ANKRD28: variants seen among roughly 807,000 people sequenced by gnomAD.
The protein encoded by ANKRD28 is serine/threonine-protein phosphatase 6 regulatory ankyrin repeat subunit A.
In ANKRD28, 44 loss-of-function variants were observed where a neutral mutation model predicts 126.5. That is an observed-to-expected ratio of 0.35 (90% CI 0.27 to 0.45). The LOEUF (loss-of-function observed/expected upper bound fraction) is 0.45, where lower values mean the gene tolerates loss of function less well. Ranked by LOEUF, ANKRD28 falls within the 20% of genes least tolerant of loss-of-function variation. The probability of loss-of-function intolerance (pLI) is 1.00; values close to 1 mark genes in which losing one functional copy is unlikely to be tolerated. For missense variants in ANKRD28, 1,110 were observed against 1,316.6 expected (o/e 0.84, Z 2.43); for synonymous variants, 442 against 468.5 (o/e 0.94, Z 0.73).
chr3:15,674,610 C>T (rs1306638186), intron 27 of ANKRD28, among the ~76,000 whole-genome samples: 1 of 152,096 alleles, frequency 6.6e-6, no homozygotes, highest in Non-Finnish European at 1.5e-5. Flanking sequence ...TGGGAATCCT[C>T]AGCATTATAG....
chr3:15,707,181 C>T (rs376546898), intron 14 of ANKRD28, among the ~76,000 whole-genome samples: 1 of 152,174 alleles, frequency 6.6e-6, no homozygotes, highest in African/African-American at 2.4e-5. Context: ...TTTTACTTTT[C>T]ACTGACCCAC....
intron 2 of ANKRD28, among the ~76,000 whole-genome samples, chr3:15,767,363 T>C (rs2058787165): frequency 1.3e-5 from 2 of 152,214 alleles, no homozygotes; most frequent in South Asian, 2.1e-4. Context: ...TCATTTTTGA[T>C]AAAGGCTTTT....
intron 12 of ANKRD28, among the ~76,000 whole-genome samples, chr3:15,710,063 C>G (rs1485744427): frequency 1.3e-5 from 2 of 151,146 alleles, no homozygotes; most frequent in East Asian, 3.9e-4. Flanking sequence ...GAAACAGAGC[C>G]TCACTCTATA....
intron 1 of ANKRD28, among the ~76,000 whole-genome samples, chr3:15,856,043 C>A (rs1371950357): frequency 6.6e-6 from 1 of 152,134 alleles, no homozygotes; most frequent in Non-Finnish European, 1.5e-5. Context: ...TCATACTGAT[C>A]TAAACCAGCA....
At position 15,846,389 on chromosome 3, in the gene ANKRD28, C is replaced by G. The variant is rs921808059; in HGVS notation, c.27+12988G>C. Among the ~76,000 whole-genome samples the G allele has an allele frequency of 6.6e-6, 1 of 152,262 alleles. No homozygotes were observed. Among genetic ancestry groups the G allele is most frequent in the Non-Finnish European group, 1.5e-5 (1 of 68,048 alleles). On this transcript the variant is annotated intron_variant, in intron 1 of 27. Coordinates refer to the ANKRD28 transcript ENST00000399451. This position sits in a 1 kb window ranked among gnomAD's most constrained non-coding sequence, Gnocchi z 5.4. ...CTCCATGTCTCACATCCAGGGCACA[C>G]TGATGCAAGAGGTGAGCTCTCAAGG... is the stretch of plus-strand genomic sequence containing the variant.
At position 15,690,010 on chromosome 3, in the gene ANKRD28, C is replaced by G. The variant is rs1048818146; in HGVS notation, c.1963+9G>C. On this transcript the variant is annotated intron_variant, in intron 18 of 27. Coordinates refer to ENST00000683139, the MANE Select transcript of ANKRD28 (RefSeq NM_001349278.2). Reference sequence around the variant, plus strand: ...GTTATAAATAAATCAAGCATAATATCTGGCATACCTGCTGCATGAATAGGT... The same window carrying G: ...GTTATAAATAAATCAAGCATAATATGTGGCATACCTGCTGCATGAATAGGT... 1.3e-6 allele frequency: 2 copies of G among 1,594,268 alleles called. No individual in the cohort carries two copies. Among genetic ancestry groups the G allele is most frequent in the African/African-American group, 1.3e-5 (1 of 74,534 alleles).
At chr3:15,707,893 G>C (rs998800723) in intron 14 of ANKRD28, 31 bp downstream of exon 14, 2 of 1,583,730 alleles carry the variant, frequency 1.3e-6, no homozygotes, top group Non-Finnish European at 1.7e-6. Flanking sequence ...TAGAAATATT[G>C]ATCCTCCACT....
chr3:15,859,576 G>GCCGC (rs2061861293), exon 1 of ANKRD28: 6 of 252,016 alleles, frequency 2.4e-5, no homozygotes, highest in Admixed American at 1.3e-4. Context: ...CGCCTCCCCG[G>GCCGC]CCGCCCGCCG....
chr3:15,844,412 G>T (rs2061487214), intron 1 of ANKRD28, among the ~76,000 whole-genome samples: 1 of 152,046 alleles, frequency 6.6e-6, no homozygotes, highest in African/African-American at 2.4e-5. Context: ...AGGTAAAGAA[G>T]TGGGAGAACT....
intron 3 of ANKRD28, among the ~76,000 whole-genome samples, chr3:15,761,062 G>C (rs115490243): frequency 0.012 from 1,804 of 152,196 alleles, 32 homozygotes; most frequent in African/African-American, 0.041. Context: ...TTTTATGTTA[G>C]AGAAATATAT....
chr3:15,701,296 T>G (rs2070566108), intron 14 of ANKRD28, among the ~76,000 whole-genome samples: 1 of 152,188 alleles, frequency 6.6e-6, no homozygotes, highest in Non-Finnish European at 1.5e-5. Context: ...TCCATTTAAG[T>G]GCAATTTTGA....
chr3:15,831,580 G>A (rs776918202), intron 1 of ANKRD28, among the ~76,000 whole-genome samples: 2 of 152,104 alleles, frequency 1.3e-5, no homozygotes, highest in African/African-American at 2.4e-5. Flanking sequence ...GAGAAAAATC[G>A]CTCTCCCCTC....
In ANKRD28 at chr3:15,830,578, C is replaced by T. The variant is rs529273678; in HGVS notation, c.27+28799G>A. ...TTTCATCTCAAAACCATCCCACCCC[C>T]CACCGCACCCCCATCCACGGAAAAA... is the stretch of plus-strand genomic sequence containing the variant. On this transcript the variant is annotated intron_variant, in intron 1 of 27. Coordinates refer to the ANKRD28 transcript ENST00000399451. The surrounding 1 kb of genome is among the most constrained non-coding windows in gnomAD (Gnocchi z 4.5). Among the ~76,000 whole-genome samples, 36 of 152,110 alleles carry T rather than the reference C, an allele frequency of 2.4e-4. No homozygotes were observed. The highest frequency in any genetic ancestry group is 8.2e-4 in the African/African-American group (34 of 41,504).
chr3:15,799,006 C>T (rs1051278778), upstream of ANKRD28, among the ~76,000 whole-genome samples: 2 of 152,042 alleles, frequency 1.3e-5, no homozygotes, highest in African/African-American at 2.4e-5. Flanking sequence ...GAAAAACAGA[C>T]TCAGAAATGA....
chr3:15,737,304 G>T, intron 4 of ANKRD28, 71 bp from the exon 5 acceptor site: 1 of 1,279,130 alleles, frequency 7.8e-7, no homozygotes, highest in Non-Finnish European at 1.1e-6. Context: ...TATATAGTGT[G>T]CGTGTGTGTG....
At chr3:15,741,027 C>A (rs1023485502) in intron 4 of ANKRD28, among the ~76,000 whole-genome samples, 1 of 152,018 alleles carries the variant, frequency 6.6e-6, no homozygotes, top group Admixed American at 6.5e-5. Flanking sequence ...GGTGAAACCC[C>A]GTCTCTACTA....
At chr3:15,825,745 C>T (rs1213019172) in intron 1 of ANKRD28, among the ~76,000 whole-genome samples, 1 of 151,998 alleles carries the variant, frequency 6.6e-6, no homozygotes, top group African/African-American at 2.4e-5. Context: ...AGCCTACCTA[C>T]AGATAGATAG....
rs868680728 is a variant in ANKRD28, at chr3:15,846,018, T to C, written c.27+13359A>G. 2.6e-5 allele frequency among the ~76,000 whole-genome samples: 4 copies of C among 152,184 alleles called. No individual in the cohort carries two copies. The highest frequency in any genetic ancestry group is 3.4e-3 in the Middle Eastern group (1 of 294). On this transcript the variant is annotated intron_variant, in intron 1 of 27. Transcript: ENST00000399451. The surrounding 1 kb of genome is among the most constrained non-coding windows in gnomAD (Gnocchi z 5.4). The stretch of plus-strand genomic sequence containing the variant: ...TGGGTGGGGACACAGAGCCAAACCA[T>C]ATCATTCCACACCTGGCCACTCCCA...
At chr3:15,780,131 A>C (rs1174238321) in intron 2 of ANKRD28, among the ~76,000 whole-genome samples, 1 of 152,156 alleles carries the variant, frequency 6.6e-6, no homozygotes, top group Non-Finnish European at 1.5e-5. Flanking sequence ...AAAGAAATGA[A>C]ATTTTATTTG....
Sources: allele counts gnomAD v4.1 joint callset (sites outside exome capture counted in the v4.1 genomes callset), GRCh38; gene constraint gnomAD v4.1.1; non-coding constraint Gnocchi (gnomAD v3.1); transcripts MANE v1.5; gene names NCBI Gene and HGNC (gene_info 2026-07-23, HGNC 2026-07-21).